TMEM117: variants seen among roughly 807,000 people sequenced by gnomAD.
TMEM117 encodes the protein transmembrane protein 117.
In TMEM117, 27 loss-of-function variants were observed where a neutral mutation model predicts 52.4. The observed-to-expected ratio is 0.51, with a 90% CI of 0.38 to 0.71. TMEM117 has a LOEUF of 0.71. Among genes scored for constraint, TMEM117 ranks in the 30% least tolerant of loss-of-function variants. The pLI is 0.00. For synonymous variants in TMEM117, 215 were observed against 206.3 expected, an observed-to-expected ratio of 1.04 and a Z score of -0.36; for missense variants, 556 against 630.5, an observed-to-expected ratio of 0.88 and a Z score of 1.26.
At chr12:43,922,591 A>C (rs1246725484) in intron 2 of TMEM117, among the ~76,000 whole-genome samples, 3 of 152,174 alleles carry the variant, frequency 2.0e-5, no homozygotes, top group Non-Finnish European at 4.4e-5. Flanking sequence ...GATGGCTAAA[A>C]TCACCTTTGC....
intron 2 of TMEM117, among the ~76,000 whole-genome samples, chr12:43,864,080 G>C (rs1177147464): frequency 1.3e-5 from 2 of 152,210 alleles, no homozygotes; most frequent in African/African-American, 4.8e-5. Context: ...AGCAGTGCTG[G>C]CCCACCAGCG....
At chr12:44,226,017 C>T (rs571842485) in intron 5 of TMEM117, among the ~76,000 whole-genome samples, 1 of 152,232 alleles carries the variant, frequency 6.6e-6, no homozygotes, top group South Asian at 2.1e-4. Context: ...TTTTAAACAC[C>T]CATACACATG....
chr12:43,936,234 C>T (rs1175591180), intron 2 of TMEM117, among the ~76,000 whole-genome samples: 2 of 151,760 alleles, frequency 1.3e-5, no homozygotes, highest in Non-Finnish European at 2.9e-5. Flanking sequence ...ACAGTGAGAA[C>T]CTAAATTATG....
At chr12:44,116,813 TA>T (rs1948152037) in intron 3 of TMEM117, among the ~76,000 whole-genome samples, 1 of 152,180 alleles carries the variant, frequency 6.6e-6, no homozygotes, top group African/African-American at 2.4e-5. Context: ...TCTCATCCCT[TA>T]AAAGACTTTA....
intron 5 of TMEM117, among the ~76,000 whole-genome samples, chr12:44,230,870 T>G (rs758784851): frequency 1.3e-5 from 2 of 152,010 alleles, no homozygotes; most frequent in African/African-American, 2.4e-5. Context: ...CACTTGCCTT[T>G]GGTTCTTTGA....
At position 43,945,385 on chromosome 12, in the gene TMEM117, C is replaced by T. The variant is rs148070386; in HGVS notation, c.410+1043C>T. On this transcript the variant is annotated intron_variant, in intron 3 of 7. Transcript: ENST00000266534. ...GGGCTGGAGTGCAGTGACGCGATCT[C>T]GGCTCACTCACTGCAACCTCTGCCT... Among the ~76,000 whole-genome samples, 427 of 152,234 alleles carry T rather than the reference C, an allele frequency of 2.8e-3. 2 individuals are homozygous for T. The highest frequency in any genetic ancestry group is 9.9e-3 in the African/African-American group (412 of 41,552).
chr12:44,096,895 AG>A (rs1333452287), intron 3 of TMEM117, among the ~76,000 whole-genome samples: 1 of 151,514 alleles, frequency 6.6e-6, no homozygotes, highest in African/African-American at 2.4e-5. Context: ...GCTTCTGCAC[AG>A]CAAAAGAAAC....
At chr12:43,928,701 G>A (rs1024017216) in intron 2 of TMEM117, among the ~76,000 whole-genome samples, 4 of 149,676 alleles carry the variant, frequency 2.7e-5, no homozygotes, top group African/African-American at 7.4e-5. Context: ...CCACTAACTC[G>A]TCATCTAGCA....
intron 3 of TMEM117, among the ~76,000 whole-genome samples, chr12:44,005,801 T>G (rs1946185225): frequency 6.6e-6 from 1 of 152,136 alleles, no homozygotes; most frequent in African/African-American, 2.4e-5. Flanking sequence ...GGGCGGGTCT[T>G]TACCATGCTA....
chr12:44,366,958 A>G (rs911398390), intron 6 of TMEM117, among the ~76,000 whole-genome samples: 2 of 152,198 alleles, frequency 1.3e-5, no homozygotes, highest in African/African-American at 2.4e-5. Context: ...GATACTGCCC[A>G]ATCAGAATGG....
At chr12:44,150,209 C>T (rs1347481839) in intron 4 of TMEM117, among the ~76,000 whole-genome samples, 2 of 151,986 alleles carry the variant, frequency 1.3e-5, no homozygotes, top group South Asian at 2.1e-4. Context: ...ATAAAGATTT[C>T]GTGTTATGTG....
At chr12:44,374,884 G>A (rs1011646224) in intron 6 of TMEM117, among the ~76,000 whole-genome samples, 2 of 152,038 alleles carry the variant, frequency 1.3e-5, no homozygotes, top group Admixed American at 6.6e-5. Context: ...AGAGAAGTGC[G>A]CTATTGATAA....
chr12:44,321,436 T>C (rs1309662637), intron 6 of TMEM117, among the ~76,000 whole-genome samples: 2 of 152,158 alleles, frequency 1.3e-5, no homozygotes, highest in Non-Finnish European at 2.9e-5. Context: ...TGAAGCAAGC[T>C]AGGAAAATTC....
chr12:44,268,998 A>T (rs1267232346), intron 5 of TMEM117, among the ~76,000 whole-genome samples: 1 of 152,180 alleles, frequency 6.6e-6, no homozygotes, highest in Non-Finnish European at 1.5e-5. Context: ...ATAGTCGATT[A>T]TCCATTTCTG....
In TMEM117 at chr12:43,955,277, T is replaced by G. The variant is rs573600254; in HGVS notation, c.410+10935T>G. ...TCACTACTCCTATTCAACATGGTGT[T>G]GGAAGTTCTGGCCAGGGCAATCAAG... On this transcript the variant is annotated intron_variant, in intron 3 of 7. Transcript: ENST00000266534. Among the ~76,000 whole-genome samples the G allele has an allele frequency of 1.0e-3, 154 of 152,286 alleles. 1 individual carries two copies. The highest frequency in any genetic ancestry group is 3.2e-3 in the African/African-American group (135 of 41,560).
At chr12:44,238,455 A>G (rs1950024287) in intron 5 of TMEM117, among the ~76,000 whole-genome samples, 1 of 152,084 alleles carries the variant, frequency 6.6e-6, no homozygotes, top group Non-Finnish European at 1.5e-5. Flanking sequence ...TTTTATACAT[A>G]TATCGCTATG....
At chr12:44,182,668 G>A (rs924539659) in intron 4 of TMEM117, among the ~76,000 whole-genome samples, 1 of 152,082 alleles carries the variant, frequency 6.6e-6, no homozygotes, top group Non-Finnish European at 1.5e-5. Context: ...TTGTAGAATT[G>A]TTATGAAAGC....
Position 43,873,013 on chromosome 12 carries a change from C to T in TMEM117, c.277+28085C>T, listed in dbSNP as rs183645185. On this transcript the variant is annotated intron_variant, in intron 2 of 7. Transcript: ENST00000266534. Reference sequence around the variant, plus strand: ...GGGCAATATGAGGATGTAGGAAGATCGGTAGAGAATTTCATCAAAGGTGCC... The same window carrying T: ...GGGCAATATGAGGATGTAGGAAGATTGGTAGAGAATTTCATCAAAGGTGCC... 3.0e-3 allele frequency among the ~76,000 whole-genome samples: 456 copies of T among 152,094 alleles called. 3 individuals are homozygous for T. Among genetic ancestry groups the T allele is most frequent in the African/African-American group, 0.01 (427 of 41,486 alleles).
intron 3 of TMEM117, among the ~76,000 whole-genome samples, chr12:43,995,748 T>G (rs1382605451): frequency 1.3e-5 from 2 of 152,210 alleles, no homozygotes; most frequent in African/African-American, 4.8e-5. Context: ...AATGCTCAGA[T>G]ATCACAGGCT....
Sources: gnomAD v4.1 joint callset for allele counts (sites outside exome capture counted in the v4.1 genomes callset) on GRCh38, gnomAD v4.1.1 for gene constraint, MANE v1.5 for transcripts, NCBI Gene and HGNC (gene_info 2026-07-23, HGNC 2026-07-21) for gene names.